The following MYRIP variants were observed in gnomAD, a reference collection of about 807,000 sequenced individuals.
MYRIP encodes rab effector MyRIP.
MYRIP carries 49 observed loss-of-function variants against 98.0 expected under a neutral mutation model. The ratio of observed to expected loss-of-function variants is 0.50; its 90% CI spans 0.40 to 0.63. The LOEUF is 0.63. Ranked by LOEUF, MYRIP falls within the 30% of genes least tolerant of loss-of-function variation. The pLI is 0.00. For missense variants in MYRIP, 1,004 were observed against 1,058.2 expected (o/e 0.95, Z 0.71); for synonymous variants, 404 against 409.5 (o/e 0.99, Z 0.16).
rs1431569528 is a variant in MYRIP, at chr3:40,190,005, TGGAG to T, written c.1208_1211del (p.Trp403LeufsTer4). ...CTCCGATAGCGAGGAAGACTTTGAC[TGGAG>T]TGAGGCCTTGAGCAAGCTGTGTCCC... is the stretch of plus-strand genomic sequence containing the variant. On this transcript the variant is annotated frameshift_variant, in exon 10 of 17. Coordinates refer to ENST00000302541, the MANE Select transcript of MYRIP (RefSeq NM_015460.4). LOFTEE classifies it high-confidence loss of function. The T allele has an allele frequency of 6.2e-7, 1 of 1,614,078 alleles. No homozygotes were observed. The highest frequency in any genetic ancestry group is 1.1e-5 in the South Asian group (1 of 91,072).
At chr3:39,875,257 G>T (rs1451659271) in intron 1 of MYRIP, among the ~76,000 whole-genome samples, 1 of 151,944 alleles carries the variant, frequency 6.6e-6, no homozygotes, top group Non-Finnish European at 1.5e-5. Flanking sequence ...CTTGCTAGTG[G>T]TCTATCAATT....
intron 3 of MYRIP, among the ~76,000 whole-genome samples, chr3:40,148,138 A>G (rs1950046933): frequency 6.6e-6 from 1 of 152,188 alleles, no homozygotes; most frequent in Admixed American, 6.5e-5. Flanking sequence ...TTGATTACAA[A>G]TTTTAGCATC....
At chr3:40,156,502 T>G (rs1023778639) in intron 4 of MYRIP, among the ~76,000 whole-genome samples, 4 of 152,088 alleles carry the variant, frequency 2.6e-5, no homozygotes, top group African/African-American at 9.7e-5. Context: ...ATATGAACTT[T>G]AAAGTAGTTT....
At chr3:40,046,479 T>C (rs2125834475) in intron 3 of MYRIP, among the ~76,000 whole-genome samples, 1 of 150,938 alleles carries the variant, frequency 6.6e-6, no homozygotes, top group African/African-American at 2.4e-5. Context: ...AGATGCATAG[T>C]ACAGAATGAG....
At chr3:40,034,168 A>G (rs953601393) in intron 2 of MYRIP, among the ~76,000 whole-genome samples, 1 of 151,800 alleles carries the variant, frequency 6.6e-6, no homozygotes. Context: ...ATGGGCAAGG[A>G]CTTCATGTCT....
intron 1 of MYRIP, among the ~76,000 whole-genome samples, chr3:39,858,198 A>T (rs754558156): frequency 3.9e-5 from 6 of 152,202 alleles, no homozygotes; most frequent in African/African-American, 1.2e-4. Flanking sequence ...AAAGGATGGA[A>T]AAATATATTC....
chr3:39,809,384 C>T (rs1201314307), upstream of MYRIP, among the ~76,000 whole-genome samples: 2 of 149,328 alleles, frequency 1.3e-5, no homozygotes, highest in African/African-American at 4.9e-5. Context: ...CCGCCTCCTC[C>T]CGGTGCGCCC....
chr3:39,846,368 A>G (rs1351995532), intron 1 of MYRIP, among the ~76,000 whole-genome samples: 1 of 152,124 alleles, frequency 6.6e-6, no homozygotes. Context: ...TCACCTATGT[A>G]CACTCCTTCG....
At chr3:39,958,311 G>A (rs575935545) in intron 2 of MYRIP, among the ~76,000 whole-genome samples, 4 of 152,228 alleles carry the variant, frequency 2.6e-5, no homozygotes, top group Non-Finnish European at 5.9e-5. Flanking sequence ...AAACAGCATG[G>A]TACTGGTACC....
intron 2 of MYRIP, among the ~76,000 whole-genome samples, chr3:40,015,505 C>G (rs1451440177): frequency 6.6e-6 from 1 of 152,212 alleles, no homozygotes; most frequent in Non-Finnish European, 1.5e-5. Flanking sequence ...GATTCTGGGA[C>G]CAGCAGGGTC....
intron 1 of MYRIP, among the ~76,000 whole-genome samples, chr3:39,832,537 A>G (rs1941482513): frequency 6.6e-6 from 1 of 152,236 alleles, no homozygotes. Context: ...AACACTAGCA[A>G]TCTCTAGCAT....
intron 1 of MYRIP, among the ~76,000 whole-genome samples, chr3:39,815,782 T>A (rs781722331): frequency 1.3e-5 from 2 of 152,188 alleles, no homozygotes; most frequent in Non-Finnish European, 1.5e-5. Flanking sequence ...GGTATGACTT[T>A]GATAATGTTT....
At chr3:40,156,544 C>G (rs1215062271) in intron 4 of MYRIP, among the ~76,000 whole-genome samples, 1 of 152,042 alleles carries the variant, frequency 6.6e-6, no homozygotes, top group Non-Finnish European at 1.5e-5. Context: ...TAATTGGTAG[C>G]TTGATGGGGA....
chr3:40,230,212 G>A (rs1369487274), intron 11 of MYRIP, among the ~76,000 whole-genome samples: 1 of 152,154 alleles, frequency 6.6e-6, no homozygotes, highest in Non-Finnish European at 1.5e-5. Flanking sequence ...AATATCTGGA[G>A]AAAGTCAGCT....
intron 5 of MYRIP, among the ~76,000 whole-genome samples, chr3:40,163,115 T>A (rs924940736): frequency 6.6e-6 from 1 of 152,248 alleles, no homozygotes; most frequent in African/African-American, 2.4e-5. Context: ...CACTTGTGCA[T>A]CTCATATTAA....
chr3:39,908,695 A>G (rs1454380085), intron 2 of MYRIP, among the ~76,000 whole-genome samples: 1 of 152,216 alleles, frequency 6.6e-6, no homozygotes, highest in Admixed American at 6.5e-5. Flanking sequence ...ATAAGAACTT[A>G]GTAGAAACTC....
At position 39,842,761 on chromosome 3, in the gene MYRIP, T is replaced by C. The variant is rs756809353; in HGVS notation, c.-31+32845T>C. On this transcript the variant is annotated intron_variant, in intron 1 of 16. Transcript: ENST00000302541. ...TCCCAGGTGAGGTGATTACCCCCCC[T>C]GCTTCTGTCTGCCCTCAGTGGGCTG... Among the ~76,000 whole-genome samples the C allele has an allele frequency of 8.8e-4, 132 of 150,512 alleles. 1 individual carries two copies. Among genetic ancestry groups the C allele is most frequent in the African/African-American group, 2.7e-3 (112 of 40,802 alleles).
In MYRIP at chr3:40,189,968, C is replaced by T. The variant is rs148296289; in HGVS notation, c.1170C>T (p.Tyr390=). The stretch of plus-strand genomic sequence containing the variant: ...TGGCCTCCAGTGTGGCATCTGCCTA[C>T]GATGAGATGGGCTCCGATAGCGAGG... ...LEVASSVASA[Y]DEMGSDSEED... The change falls in exon 10 of 17, where the codon TAC becomes TAT. Residue 390 remains tyrosine (Y), a synonymous_variant. Coordinates refer to ENST00000302541, the MANE Select transcript of MYRIP (RefSeq NM_015460.4). 5.3e-4 allele frequency: 861 copies of T among 1,613,992 alleles called. 2 individuals are homozygous for T. Among genetic ancestry groups the T allele is most frequent in the Non-Finnish European group, 6.7e-4 (795 of 1,180,046 alleles).
intron 3 of MYRIP, among the ~76,000 whole-genome samples, chr3:40,150,005 A>G (rs1433653907): frequency 6.6e-6 from 1 of 152,200 alleles, no homozygotes; most frequent in Non-Finnish European, 1.5e-5. Flanking sequence ...AAAATAAGAA[A>G]AGCAGCTGTT....
Sources: allele counts gnomAD v4.1 joint callset (sites outside exome capture counted in the v4.1 genomes callset), GRCh38; gene constraint gnomAD v4.1.1; transcripts MANE v1.5; gene names NCBI Gene and HGNC (gene_info 2026-07-23, HGNC 2026-07-21).